Variants in DCC observed in about 807,000 individuals in gnomAD.
DCC encodes the protein DCC netrin 1 receptor.
Under a neutral mutation model 172.5 loss-of-function variants are expected in DCC, and 58 were observed. The observed-to-expected ratio is 0.34, with a 90% CI of 0.27 to 0.42. The LOEUF is 0.42. Among genes scored for constraint, DCC ranks in the 10% least tolerant of loss-of-function variants. DCC has a pLI of 1.00. For synonymous variants in DCC, 709 were observed against 644.5 expected, an observed-to-expected ratio of 1.10 and a Z score of -1.52; for missense variants, 1,740 against 1,791.0, an observed-to-expected ratio of 0.97 and a Z score of 0.51.
chr18:53,461,748 G>A (rs2045562070), intron 24 of DCC, among the ~76,000 whole-genome samples: 1 of 152,190 alleles, frequency 6.6e-6, no homozygotes, highest in African/African-American at 2.4e-5. Flanking sequence ...CTCAAATGAT[G>A]TCTTAGGCAG....
chr18:53,499,604 A>T (rs762829460), intron 27 of DCC, 94 bp downstream of exon 27: 1 of 1,012,562 alleles, frequency 9.9e-7, no homozygotes, highest in African/African-American at 1.6e-5. Flanking sequence ...TAGATGTCAT[A>T]TATCTTTTCA....
At chr18:52,455,898 C>G (rs1988442850) in intron 1 of DCC, among the ~76,000 whole-genome samples, 1 of 152,160 alleles carries the variant, frequency 6.6e-6, no homozygotes, top group African/African-American at 2.4e-5. Flanking sequence ...CCCTACCCTA[C>G]TTCCGTATGT....
intron 12 of DCC, among the ~76,000 whole-genome samples, chr18:53,216,895 G>A (rs2055860117): frequency 6.6e-6 from 1 of 152,120 alleles, no homozygotes; most frequent in Non-Finnish European, 1.5e-5. Flanking sequence ...CTGCTTTAGA[G>A]ATGTGCCACT....
At chr18:52,909,752 A>T (rs986824209) in intron 3 of DCC, among the ~76,000 whole-genome samples, 1 of 152,158 alleles carries the variant, frequency 6.6e-6, no homozygotes, top group Non-Finnish European at 1.5e-5. Flanking sequence ...TACATACCTG[A>T]CATCTTGATG....
chr18:53,468,492 C>T (rs537500578), intron 25 of DCC, among the ~76,000 whole-genome samples: 38 of 151,934 alleles, frequency 2.5e-4, no homozygotes, highest in Non-Finnish European at 5.0e-4. Flanking sequence ...AAGCGATTCT[C>T]ATGCCTCAGT....
intron 1 of DCC, among the ~76,000 whole-genome samples, chr18:52,723,156 T>A (rs2036498718): frequency 6.6e-6 from 1 of 152,192 alleles, no homozygotes; most frequent in South Asian, 2.1e-4. Context: ...CATAGGATGT[T>A]CTCTTTTGTC....
At position 52,416,293 on chromosome 18, in the gene DCC, G is replaced by C. The variant is rs191064819; in HGVS notation, c.91+75415G>C. On this transcript the variant is annotated intron_variant, in intron 1 of 28. Coordinates refer to ENST00000442544, the MANE Select transcript of DCC (RefSeq NM_005215.4). ...TTGCTGAGGAGAGCTTTACTTCCAAGTATGTGGTCAATTTTGGAATAGGTG... is the reference window on the plus strand; with the variant it reads ...TTGCTGAGGAGAGCTTTACTTCCAACTATGTGGTCAATTTTGGAATAGGTG... 4.6e-3 allele frequency among the ~76,000 whole-genome samples: 705 copies of C among 151,898 alleles called. 2 individuals are homozygous for C. Among genetic ancestry groups the C allele is most frequent in the African/African-American group, 0.015 (606 of 41,440 alleles).
intron 1 of DCC, among the ~76,000 whole-genome samples, chr18:52,458,648 G>A (rs1988532080): frequency 2.0e-5 from 3 of 152,042 alleles, no homozygotes; most frequent in Admixed American, 6.5e-5. Context: ...GATTCATTCA[G>A]AATAAAGAAT....
chr18:52,602,916 C>G (rs1205741808), intron 1 of DCC, among the ~76,000 whole-genome samples: 1 of 152,050 alleles, frequency 6.6e-6, no homozygotes, highest in African/African-American at 2.4e-5. Flanking sequence ...GTTGGAAATA[C>G]TGCTGCCTGA....
chr18:52,646,479 C>CAAGTA (rs2035021101), intron 1 of DCC, among the ~76,000 whole-genome samples: 1 of 152,086 alleles, frequency 6.6e-6, no homozygotes, highest in African/African-American at 2.4e-5. Flanking sequence ...GGTTTGGTCC[C>CAAGTA]ACAAGACTGC....
At chr18:52,842,456 A>C (rs1242663200) in intron 2 of DCC, among the ~76,000 whole-genome samples, 1 of 152,088 alleles carries the variant, frequency 6.6e-6, no homozygotes, top group Non-Finnish European at 1.5e-5. Flanking sequence ...CAACCTTCTT[A>C]CTTCTTTTTG....
chr18:52,468,729 T>C (rs1045297133), intron 1 of DCC, among the ~76,000 whole-genome samples: 2 of 152,214 alleles, frequency 1.3e-5, no homozygotes, highest in African/African-American at 2.4e-5. Context: ...ACGAATAATG[T>C]CCTTCCAGAT....
At chr18:52,590,759 G>T (rs564210381) in intron 1 of DCC, among the ~76,000 whole-genome samples, 1 of 152,336 alleles carries the variant, frequency 6.6e-6, no homozygotes, top group South Asian at 2.1e-4. Context: ...TTAGCACAAA[G>T]TACTTGATAA....
At chr18:53,335,475 A>G (rs989301791) in intron 14 of DCC, among the ~76,000 whole-genome samples, 2 of 152,206 alleles carry the variant, frequency 1.3e-5, no homozygotes, top group African/African-American at 4.8e-5. Context: ...CTGCATGTGA[A>G]CATTACACAT....
intron 2 of DCC, among the ~76,000 whole-genome samples, chr18:52,905,558 C>G (rs1035524220): frequency 2.0e-5 from 3 of 152,172 alleles, no homozygotes; most frequent in Non-Finnish European, 4.4e-5. Context: ...TTTCTTGAAG[C>G]TGCTCTAGGT....
In DCC at chr18:52,869,920, G is replaced by A. The variant is rs527640436; in HGVS notation, c.413-36124G>A. Among the ~76,000 whole-genome samples, 125 of 152,308 alleles carry A rather than the reference G, an allele frequency of 8.2e-4. 1 individual carries two copies. The highest frequency in any genetic ancestry group is 1.5e-3 in the Non-Finnish European group (105 of 68,010). On this transcript the variant is annotated intron_variant, in intron 2 of 28. Coordinates refer to ENST00000442544, the MANE Select transcript of DCC (RefSeq NM_005215.4). ...GGCCCCCAAGGGTGCAGAGTGCAGA[G>A]ACACCTGGGTCCTGCGACAGGGAGG...
chr18:53,259,220 A>C (rs2056562790), intron 12 of DCC, among the ~76,000 whole-genome samples: 1 of 152,114 alleles, frequency 6.6e-6, no homozygotes, highest in Non-Finnish European at 1.5e-5. Flanking sequence ...ATTTAAGGTT[A>C]ATATTGTTAT....
At chr18:53,031,895 TTAAC>T (rs756065650) in intron 5 of DCC, among the ~76,000 whole-genome samples, 85 of 152,206 alleles carry the variant, frequency 5.6e-4, no homozygotes, top group Non-Finnish European at 7.5e-4. Context: ...GTATGCAAGT[TTAAC>T]TAATTTTAAT....
intron 5 of DCC, among the ~76,000 whole-genome samples, chr18:53,053,329 G>C (rs890119235): frequency 1.3e-5 from 2 of 152,022 alleles, no homozygotes; most frequent in African/African-American, 4.8e-5. Context: ...TCCTTTTTCT[G>C]TTTTACTCCA....
Sources: gnomAD v4.1 joint callset for allele counts (sites outside exome capture counted in the v4.1 genomes callset) on GRCh38, gnomAD v4.1.1 for gene constraint, MANE v1.5 for transcripts, NCBI Gene and HGNC (gene_info 2026-07-23, HGNC 2026-07-21) for gene names.